The following DLAT variants were observed in gnomAD, a reference collection of about 807,000 sequenced individuals.
DLAT encodes dihydrolipoyllysine-residue acetyltransferase component of pyruvate dehydrogenase complex, mitochondrial.
A neutral mutation model predicts 68.0 loss-of-function variants in DLAT; 43 were observed. The ratio of observed to expected loss-of-function variants is 0.63; its 90% CI spans 0.50 to 0.81. The LOEUF is 0.81. DLAT is among the 40% of genes least tolerant of loss of function. The pLI, the probability that DLAT is intolerant of heterozygous loss-of-function variation, is 0.00. For synonymous variants in DLAT, 265 were observed against 288.6 expected (o/e 0.92, Z 0.83); for missense variants, 745 against 815.4 (o/e 0.91, Z 1.05).
At chr11:112,031,298 C>CA (rs1862379301) in intron 4 of DLAT, among the ~76,000 whole-genome samples, 1 of 152,112 alleles carries the variant, frequency 6.6e-6, no homozygotes, top group Non-Finnish European at 1.5e-5. Context: ...AGTGGATACA[C>CA]AAGCCATATA....
At chr11:112,050,451 A>G (rs587738858) in intron 10 of DLAT, among the ~76,000 whole-genome samples, 2 of 151,936 alleles carry the variant, frequency 1.3e-5, no homozygotes, top group South Asian at 4.1e-4. Flanking sequence ...TGAGGAATTG[A>G]TATTAATTCT....
chr11:112,061,309 G>A, intron 13 of DLAT, 135 bp downstream of exon 13: 8 of 874,130 alleles, frequency 9.2e-6, no homozygotes, highest in Non-Finnish European at 1.5e-5. Context: ...TCCCTGATAT[G>A]ATATGATGTA....
At chr11:112,055,126 T>C (rs1235320614) in intron 11 of DLAT, among the ~76,000 whole-genome samples, 3 of 152,126 alleles carry the variant, frequency 2.0e-5, no homozygotes, top group Non-Finnish European at 4.4e-5. Flanking sequence ...ACTTTAGTCT[T>C]CCTGTTTTCA....
chr11:112,044,790 T>C (rs587638588), intron 8 of DLAT, among the ~76,000 whole-genome samples: 1 of 152,136 alleles, frequency 6.6e-6, no homozygotes, highest in African/African-American at 2.4e-5. Flanking sequence ...CCCAGCACTT[T>C]GGGAAGCCAA....
intron 2 of DLAT, among the ~76,000 whole-genome samples, chr11:112,026,809 C>T (rs1468024508): frequency 8.5e-5 from 13 of 152,184 alleles, no homozygotes; most frequent in African/African-American, 2.4e-4. Flanking sequence ...CATCATGGCC[C>T]GTTCTCAATG....
chr11:112,025,739 C>A lies in DLAT; in HGVS notation c.267C>A (p.Pro89=), dbSNP rs782078082. The part of the protein sequence containing the change: ...GSPGRRYYSL[P]PHQKVPLPSL... Reference sequence around the variant, plus strand: ...CCGGCCGCCGCTATTACAGTCTTCCCCCGCATCAGAAGGTGAGCCCTAGAC... The same window carrying A: ...CCGGCCGCCGCTATTACAGTCTTCCACCGCATCAGAAGGTGAGCCCTAGAC... The change falls in exon 1 of 14, where the codon CCC becomes CCA. Residue 89 remains proline, a synonymous_variant. Transcript: ENST00000280346. 1.3e-5 allele frequency: 21 copies of A among 1,613,192 alleles called. No individual in the cohort carries two copies. The Middle Eastern group carries it at 4.9e-4, about 38-fold the overall frequency.
At chr11:112,036,778 C>G (rs181928625) in intron 5 of DLAT, 29 of 159,212 alleles carry the variant, frequency 1.8e-4, no homozygotes, top group Non-Finnish European at 3.0e-4. Context: ...TTGAAAAGTT[C>G]CAAAGATGCT....
intron 1 of DLAT, 58 bp downstream of exon 1, chr11:112,025,809 C>T: frequency 3.1e-6 from 5 of 1,600,008 alleles, no homozygotes; most frequent in Non-Finnish European, 4.3e-6. Flanking sequence ...GACTGGATGC[C>T]TGCAAGATCC....
chr11:112,038,990 A>G (rs1029995503), intron 6 of DLAT, among the ~76,000 whole-genome samples: 3 of 152,242 alleles, frequency 2.0e-5, no homozygotes, highest in East Asian at 1.9e-4. Flanking sequence ...GCAATATTCA[A>G]TTCTGTGCTT....
At chr11:112,038,107 T>A (rs1203756549) in intron 6 of DLAT, among the ~76,000 whole-genome samples, 1 of 152,046 alleles carries the variant, frequency 6.6e-6, no homozygotes, top group African/African-American at 2.4e-5. Flanking sequence ...ATCATGTGAG[T>A]TTAAACTAGG....
At position 112,039,442 on chromosome 11, in the gene DLAT, GT is replaced by G. The variant is rs1363327076; in HGVS notation, c.1129+47del. 9 of 1,603,094 alleles carry G rather than the reference GT, an allele frequency of 5.6e-6. No individual in the cohort carries two copies. In the African/African-American group the frequency reaches 1.2e-4, roughly 21 times the overall value. ...ATGGACTTTATAAAGTTAAAATTTA[GT>G]TGAATTTCCTCCTTAAGACTTGCAA... On this transcript the variant is annotated intron_variant, in intron 7 of 13. Coordinates refer to ENST00000280346, the MANE Select transcript of DLAT (RefSeq NM_001931.5).
chr11:112,059,962 T>C lies in DLAT; in HGVS notation c.1574T>C (p.Ile525Thr), dbSNP rs1339252440. The change falls in exon 12 of 14, where the codon ATT becomes ACT. Residue 525 changes from isoleucine to threonine, a missense_variant. Physicochemically the swap from Ile to Thr is moderately conservative, Grantham distance 89. Transcript: ENST00000280346. ...ACTCCTGCAGGACTCATCACACCTATTGTGTTTAATGCACATATAAAAGGA... is the reference window on the plus strand; with the variant it reads ...ACTCCTGCAGGACTCATCACACCTACTGTGTTTAATGCACATATAAAAGGA... Reference protein sequence around the residue: ...VSTPAGLITPIVFNAHIKGVE... With the variant: ...VSTPAGLITPTVFNAHIKGVE... The C allele has an allele frequency of 1.9e-6, 3 of 1,613,906 alleles. No homozygotes were observed. Among genetic ancestry groups the C allele is most frequent in the Admixed American group, 1.7e-5 (1 of 60,014 alleles).
intron 2 of DLAT, 101 bp downstream of exon 2, chr11:112,026,400 T>C (rs1555179276): frequency 5.1e-6 from 3 of 583,978 alleles, no homozygotes; most frequent in Non-Finnish European, 7.9e-6. Flanking sequence ...CATAGGACAA[T>C]AGTGGAGGGA....
At chr11:112,055,235 ATTT>A (rs66865041) in intron 11 of DLAT, among the ~76,000 whole-genome samples, 1,798 of 75,288 alleles carry the variant, frequency 0.024, 26 homozygotes, top group African/African-American at 0.09. Flanking sequence ...GTCAAGGCCT[ATTT>A]TTTTTTTTTT....
chr11:112,027,591 G>C (rs1555179493), intron 2 of DLAT, among the ~76,000 whole-genome samples: 2 of 152,112 alleles, frequency 1.3e-5, no homozygotes, highest in South Asian at 2.1e-4. Flanking sequence ...TCACGCCACT[G>C]CACTCCAGCC....
chr11:112,054,136 C>G (rs1369936510), intron 11 of DLAT, among the ~76,000 whole-genome samples: 1 of 151,490 alleles, frequency 6.6e-6, no homozygotes, highest in Non-Finnish European at 1.5e-5. Flanking sequence ...TGGTGAAACC[C>G]TGTCTCTGCT....
chr11:112,061,006 C>CAA lies in DLAT; in HGVS notation c.1678-32_1678-31insAA, dbSNP rs112722744. Reference sequence around the variant, plus strand: ...AAGTTTTCTGATTTATGTTGACAAACTATAATTTATTTTTAATTTTTTTTC... The same window carrying CAA: ...AAGTTTTCTGATTTATGTTGACAAACAATATAATTTATTTTTAATTTTTTTTC... On this transcript the variant is annotated intron_variant, in intron 12 of 13. Transcript: ENST00000280346. 0.023 allele frequency: 35,073 copies of CAA among 1,531,360 alleles called. 2,912 individuals are homozygous for CAA. In the African/African-American group the frequency reaches 0.27, roughly 12 times the overall value. The allele number at this position is 1,531,360 out of a possible 1,614,324, so 94.9% of individuals were successfully genotyped here.
chr11:112,026,071 C>A, intron 1 of DLAT, 127 bp from the exon 2 acceptor site: 1 of 842,156 alleles, frequency 1.2e-6, no homozygotes, highest in Non-Finnish European at 2.0e-6. Context: ...CCCTTGGCAT[C>A]CCTAGTTCCC....
intron 4 of DLAT, chr11:112,029,764 G>A: frequency 2.3e-6 from 1 of 425,740 alleles, no homozygotes; most frequent in South Asian, 2.0e-5. Context: ...AGCAAACACA[G>A]GGGCCAGTCC....
Sources: gnomAD v4.1 joint callset for allele counts (sites outside exome capture counted in the v4.1 genomes callset) on GRCh38, gnomAD v4.1.1 for gene constraint, MANE v1.5 for transcripts, NCBI Gene and HGNC (gene_info 2026-07-23, HGNC 2026-07-21) for gene names.